Variants in FSTL4 observed in about 807,000 individuals in gnomAD.
FSTL4 encodes follistatin-related protein 4.
In FSTL4, 28 loss-of-function variants were observed where a neutral mutation model predicts 78.2. The observed-to-expected ratio is 0.36, with a 90% CI of 0.27 to 0.49. The LOEUF is 0.49. Among genes scored for constraint, FSTL4 ranks in the 20% least tolerant of loss-of-function variants. The pLI is 0.98. For missense variants in FSTL4, 922 were observed against 1,084.9 expected, an observed-to-expected ratio of 0.85 and a Z score of 2.11; for synonymous variants, 422 against 440.5, an observed-to-expected ratio of 0.96 and a Z score of 0.53.
At chr5:133,569,543 C>T (rs973742045) in intron 2 of FSTL4, among the ~76,000 whole-genome samples, 3 of 152,104 alleles carry the variant, frequency 2.0e-5, no homozygotes, top group African/African-American at 7.2e-5. Context: ...TGGGATGGCG[C>T]CAGTATCTTT....
At chr5:133,487,477 T>C (rs1326727369) in intron 3 of FSTL4, among the ~76,000 whole-genome samples, 1 of 152,204 alleles carries the variant, frequency 6.6e-6, no homozygotes, top group African/African-American at 2.4e-5. Flanking sequence ...TGGTGAACTG[T>C]TCTGCTGTTC....
At chr5:133,807,200 T>C in the FSTL4 span, among the ~76,000 whole-genome samples, 2 of 152,156 alleles carry the variant, frequency 1.3e-5, no homozygotes, top group Non-Finnish European at 2.9e-5. Context: ...TTCCTCAATC[T>C]CCCAGCCAGC....
the FSTL4 span, among the ~76,000 whole-genome samples, chr5:133,668,513 G>A: frequency 4.6e-5 from 7 of 152,172 alleles, no homozygotes; most frequent in Non-Finnish European, 8.8e-5. Flanking sequence ...CTGCCAGAGC[G>A]AATGGTCTGT....
chr5:133,733,383 T>C, the FSTL4 span, among the ~76,000 whole-genome samples: 1 of 152,176 alleles, frequency 6.6e-6, no homozygotes. Context: ...TACCTAGACA[T>C]TGGGTACCTC....
chr5:133,828,781 G>C, the FSTL4 span, among the ~76,000 whole-genome samples: 2 of 152,354 alleles, frequency 1.3e-5, no homozygotes, highest in South Asian at 4.1e-4. Context: ...TTTACAGCTT[G>C]CTCCTCAAGG....
chr5:133,767,447 G>A, the FSTL4 span, among the ~76,000 whole-genome samples: 1 of 152,172 alleles, frequency 6.6e-6, no homozygotes, highest in East Asian at 1.9e-4. Context: ...ATATGAGAGG[G>A]CATCAACAGG....
rs1561613507 is a variant in FSTL4 at position 133,199,508 on chromosome 5, C to A, written c.2116G>T (p.Ala706Ser). The stretch of plus-strand genomic sequence containing the variant: ...TGCACGTGCAGCCAGGGGCTGTCAG[C>A]TGCAGCACTGACTATGAAGCGCCCG... ...PDGRFIVSAA[A>S]DSPWLHVQEI... is the part of the protein sequence containing the mutation. The change falls in exon 16 of 16, where the codon GCT becomes TCT. Residue 706 changes from alanine to serine, a missense_variant. Coordinates refer to ENST00000265342, the MANE Select transcript of FSTL4 (RefSeq NM_015082.2). The surrounding 1 kb of genome is among the most constrained non-coding windows in gnomAD (Gnocchi z 4.4). The A allele has an allele frequency of 1.9e-6, 3 of 1,614,204 alleles. No homozygotes were observed. Among genetic ancestry groups the A allele is most frequent in the Non-Finnish European group, 2.5e-6 (3 of 1,180,016 alleles).
intron 3 of FSTL4, among the ~76,000 whole-genome samples, chr5:133,478,193 AT>A (rs376272399): frequency 7.0e-4 from 106 of 152,172 alleles, no homozygotes; most frequent in African/African-American, 2.5e-3. Context: ...CGATTCCCTG[AT>A]TTTTTTTCTC....
At chr5:133,240,815 GA>G (rs1445941828) in intron 7 of FSTL4, among the ~76,000 whole-genome samples, 1 of 152,296 alleles carries the variant, frequency 6.6e-6, no homozygotes, top group East Asian at 1.9e-4. Context: ...TACCTCCTGG[GA>G]AGCCCTGAGA....
At chr5:133,409,679 A>G (rs2126978736) in intron 3 of FSTL4, among the ~76,000 whole-genome samples, 1 of 152,340 alleles carries the variant, frequency 6.6e-6, no homozygotes, top group African/African-American at 2.4e-5. Flanking sequence ...CACTTCATTC[A>G]GAGCTCAGCA....
chr5:133,639,460 T>C, the FSTL4 span, among the ~76,000 whole-genome samples: 1 of 152,102 alleles, frequency 6.6e-6, no homozygotes, highest in Non-Finnish European at 1.5e-5. Context: ...GTGAGCTTGG[T>C]GAGACACAGG....
chr5:133,517,076 CA>C (rs33961033), intron 3 of FSTL4, among the ~76,000 whole-genome samples: 50 of 137,868 alleles, frequency 3.6e-4, no homozygotes, highest in Admixed American at 3.6e-4. Flanking sequence ...GACCCTGTCT[CA>C]AAAAAAAAAA....
chr5:133,540,900 G>A (rs180823166), intron 3 of FSTL4, among the ~76,000 whole-genome samples: 40 of 152,042 alleles, frequency 2.6e-4, no homozygotes, highest in Non-Finnish European at 4.7e-4. Flanking sequence ...CCACATCCAG[G>A]GTTCTTCCAT....
the FSTL4 span, among the ~76,000 whole-genome samples, chr5:133,818,456 A>G: frequency 6.6e-6 from 1 of 152,142 alleles, no homozygotes; most frequent in African/African-American, 2.4e-5. Flanking sequence ...GCTACTGGAG[A>G]GGGGAGCCGG....
At chr5:133,495,738 C>T (rs1187193918) in intron 3 of FSTL4, among the ~76,000 whole-genome samples, 1 of 152,160 alleles carries the variant, frequency 6.6e-6, no homozygotes, top group Non-Finnish European at 1.5e-5. Context: ...CTTCTGTCCA[C>T]TTTTGCAATT....
At chr5:133,409,103 G>A (rs964508390) in intron 3 of FSTL4, among the ~76,000 whole-genome samples, 3 of 152,118 alleles carry the variant, frequency 2.0e-5, no homozygotes, top group African/African-American at 7.2e-5. Flanking sequence ...TTTCCCTTGC[G>A]CCAGGGCTTC....
chr5:133,224,520 T>C, intron 10 of FSTL4: 2 of 269,042 alleles, frequency 7.4e-6, no homozygotes, highest in Non-Finnish European at 1.4e-5. Flanking sequence ...GTAAGCAACA[T>C]CTCTCCCAGA....
chr5:133,524,591 C>T (rs112312010), intron 3 of FSTL4, among the ~76,000 whole-genome samples: 8 of 152,224 alleles, frequency 5.3e-5, no homozygotes, highest in Non-Finnish European at 8.8e-5. Flanking sequence ...CACCACAGAA[C>T]GTGTGCTTCT....
At chr5:133,233,031 T>C (rs1751540559) in intron 8 of FSTL4, among the ~76,000 whole-genome samples, 2 of 152,230 alleles carry the variant, frequency 1.3e-5, no homozygotes, top group Non-Finnish European at 2.9e-5. Flanking sequence ...CCATACCACC[T>C]GGAAGGAGTG....
Sources: allele counts gnomAD v4.1 joint callset (sites outside exome capture counted in the v4.1 genomes callset), GRCh38; gene constraint gnomAD v4.1.1; non-coding constraint Gnocchi (gnomAD v3.1); transcripts MANE v1.5; gene names NCBI Gene and HGNC (gene_info 2026-07-23, HGNC 2026-07-21).